Variants in PNKP observed in about 807,000 individuals in gnomAD.
The protein encoded by PNKP is polynucleotide kinase 3'-phosphatase, also known as bifunctional polynucleotide phosphatase/kinase.
PNKP carries 82 observed loss-of-function variants against 66.2 expected under a neutral mutation model. The ratio of observed to expected loss-of-function variants is 1.24; its 90% CI spans 1.04 to 1.49. The LOEUF is 1.49. Ranked by LOEUF, PNKP falls within the 40% of genes most tolerant of loss-of-function variation. PNKP has a pLI of 0.00. For synonymous variants in PNKP, 412 were observed against 298.9 expected, an observed-to-expected ratio of 1.38 and a Z score of -3.90; for missense variants, 907 against 706.8, an observed-to-expected ratio of 1.28 and a Z score of -3.21.
At chr19:49,864,560 C>T (rs748582083) in intron 4 of PNKP, among the ~76,000 whole-genome samples, 157 bp from the exon 5 acceptor site, 33 of 152,206 alleles carry the variant, frequency 2.2e-4, no homozygotes, top group Non-Finnish European at 4.7e-4. Flanking sequence ...CTCAAGCATC[C>T]GTGATGCCTC....
intron 3 of PNKP, chr19:49,865,942 G>T: frequency 3.6e-6 from 1 of 276,444 alleles, no homozygotes; most frequent in East Asian, 9.9e-5. Context: ...GTCTTGGACA[G>T]GTACCCACCC....
intron 1 of PNKP, 86 bp from the exon 2 acceptor site, chr19:49,867,303 T>C: frequency 4.4e-6 from 6 of 1,376,908 alleles, no homozygotes; most frequent in Non-Finnish European, 5.9e-6. Context: ...CACTAGAAAG[T>C]TTCCCCACCA....
chr19:49,866,938 C>G, intron 2 of PNKP, 116 bp downstream of exon 2: 1 of 990,916 alleles, frequency 1.0e-6, no homozygotes. Context: ...TAGAGAGCAC[C>G]TTCCGACTTC....
chr19:49,863,918 G>T, intron 7 of PNKP, 46 bp downstream of exon 7: 1 of 1,510,378 alleles, frequency 6.6e-7, no homozygotes, highest in Non-Finnish European at 9.2e-7. Flanking sequence ...CCTCGCTCTG[G>T]ATCTCTGTGC....
chr19:49,865,149 G>T lies in PNKP; in HGVS notation c.476C>A (p.Ala159Asp). 6.2e-7 allele frequency: 1 copy of T among 1,614,116 alleles called. No homozygotes were observed. Among genetic ancestry groups the T allele is most frequent in the Non-Finnish European group, 8.5e-7 (1 of 1,180,008 alleles). The change falls in exon 4 of 17, where the codon GCT (alanine) becomes GAT (aspartate). Residue 159 changes from alanine (A) to aspartate (D), a missense_variant. Physicochemically the swap from Ala to Asp is moderately radical, Grantham distance 126 (BLOSUM62 -2). Coordinates refer to ENST00000322344, the MANE Select transcript of PNKP (RefSeq NM_007254.4). ...NLEKLLVFTA[A>D]GVKPQGKVAG... ...CACCTTGCCCTGGGGTTTCACCCCAGCTGCGGTGAACACTAGCAACTTCTC... is the reference window on the plus strand; with the variant it reads ...CACCTTGCCCTGGGGTTTCACCCCATCTGCGGTGAACACTAGCAACTTCTC...
chr19:49,866,298 C>T (rs992201860), intron 3 of PNKP, 101 bp downstream of exon 3: 1 of 1,122,064 alleles, frequency 8.9e-7, no homozygotes, highest in Non-Finnish European at 1.4e-6. Flanking sequence ...CCACGCCCGG[C>T]CCCAATCAGA....
Position 49,864,410 on chromosome 19 carries a change from T to G in PNKP, c.499-7A>C, listed in dbSNP as rs909512959. ...CCAGATCAAAGCCAGCCACCTGGTGTCACCAAGGAAAGACAAACAGCAGCA... is the reference window on the plus strand; with the variant it reads ...CCAGATCAAAGCCAGCCACCTGGTGGCACCAAGGAAAGACAAACAGCAGCA... On this transcript the variant is annotated splice_polypyrimidine_tract_variant and splice_region_variant and intron_variant, in intron 4 of 16. Transcript: ENST00000322344. The G allele has an allele frequency of 5.6e-6, 9 of 1,610,864 alleles. No homozygotes were observed. In the Admixed American group the frequency reaches 1.0e-4, roughly 18 times the overall value.
intron 7 of PNKP, 59 bp from the exon 8 acceptor site, chr19:49,863,819 C>A: frequency 1.4e-6 from 2 of 1,479,796 alleles, no homozygotes; most frequent in Non-Finnish European, 1.8e-6. Flanking sequence ...CTGGATGCCA[C>A]CCCAGCCCAG....
chr19:49,862,424 C>T lies in PNKP; in HGVS notation c.976G>A (p.Glu326Lys), dbSNP rs267606956. ...GCTGCTGGCCACTTGAGAAAGAACT[C>T]CTCAGGCGTGGCGAAGGGCAGGCCA... ...NLGLPFATPE[E>K]FFLKWPAAGF... is the part of the protein sequence containing the mutation. The change falls in exon 11 of 17, where the codon GAG becomes AAG. Residue 326 changes from glutamate (E) to lysine (K), a missense_variant. Transcript: ENST00000322344. 1 of 1,577,052 alleles carries T rather than the reference C, an allele frequency of 6.3e-7. No homozygotes were observed. Among genetic ancestry groups the T allele is most frequent in the Non-Finnish European group, 8.6e-7 (1 of 1,161,202 alleles).
chr19:49,861,557 A>AG lies in PNKP; in HGVS notation c.1387-48dup, dbSNP rs770848795. On this transcript the variant is annotated intron_variant, in intron 15 of 16. Coordinates refer to ENST00000322344, the MANE Select transcript of PNKP (RefSeq NM_007254.4). ...CGGCAGGCCCAGGGGTCAGGGGAGG[A>AG]GGGGGGTCAGGGGGTGCAGCCCGGG... 229 of 93,088 alleles carry AG rather than the reference A, an allele frequency of 2.5e-3. 2 individuals are homozygous for AG. The Middle Eastern group carries it at 0.029, about 12-fold the overall frequency. 5.8% of individuals were successfully genotyped at this position (93,088 alleles called of 1,614,324 possible).
rs1359253510 is a variant in PNKP at position 49,862,241 on chromosome 19, G to A, written c.1070C>T (p.Ser357Phe). Residue 357 changes from serine (S) to phenylalanine (F), a missense_variant, in exon 12 of 17, where the codon TCC (serine) becomes TTC (phenylalanine). By Grantham distance (155) the Ser-to-Phe change is radical. Coordinates refer to ENST00000322344, the MANE Select transcript of PNKP (RefSeq NM_007254.4). ...SRSGPLCLPE[S>F]RALLSASPEV... is the part of the protein sequence containing the mutation. ...CGGGCTGGCGCTCAGGAGGGCCCTG[G>A]ACTCGGGGAGGCAGAGAGGCCCTGA... is the stretch of plus-strand genomic sequence containing the variant. The A allele has an allele frequency of 3.1e-6, 5 of 1,610,874 alleles. No homozygotes were observed. The highest frequency in any genetic ancestry group is 3.4e-5 in the Admixed American group (2 of 59,442).
intron 13 of PNKP, 34 bp downstream of exon 13, chr19:49,862,010 T>C: frequency 1.2e-6 from 2 of 1,612,110 alleles, no homozygotes; most frequent in Non-Finnish European, 1.7e-6. Flanking sequence ...GGGAACTTTA[T>C]AATAGATTTG....
chr19:49,861,723 GCCCCGC>G, intron 14 of PNKP, 28 bp from the exon 15 acceptor site: 1 of 1,548,380 alleles, frequency 6.5e-7, no homozygotes, highest in South Asian at 1.2e-5. Flanking sequence ...GGATGTGCAG[GCCCCGC>G]CCACCCCGCC....
At position 49,861,369 on chromosome 19, in the gene PNKP, G is replaced by A. The variant is rs997496747; in HGVS notation, c.1449-4C>T. ...CGTTGGGGCCTCGAACTGCTTCCTGGCAGTGGTGGGAACAGTGAGGGACAG... is the reference window on the plus strand; with the variant it reads ...CGTTGGGGCCTCGAACTGCTTCCTGACAGTGGTGGGAACAGTGAGGGACAG... On this transcript the variant is annotated splice_region_variant and splice_polypyrimidine_tract_variant and intron_variant, in intron 16 of 16. Transcript: ENST00000322344. The A allele has an allele frequency of 1.3e-5, 21 of 1,614,032 alleles. No individual in the cohort carries two copies. The highest frequency in any genetic ancestry group is 1.8e-5 in the Non-Finnish European group (21 of 1,179,880).
rs542312449 is a variant in PNKP, at chr19:49,863,188, CA to C, written c.817-451del. On this transcript the variant is annotated intron_variant, in intron 8 of 16. Transcript: ENST00000322344. ...GCCTTTGCACTTGCTGTCACTCCCA[CA>C]AGGGGGGGGACCGCTTTCCCCAGGT... Among the ~76,000 whole-genome samples the C allele has an allele frequency of 5.4e-4, 83 of 152,316 alleles. 1 individual carries two copies. Among genetic ancestry groups the C allele is most frequent in the African/African-American group, 1.8e-3 (76 of 41,566 alleles).
rs1347237648 is a variant in PNKP at position 49,864,055 on chromosome 19, T to A, written c.653A>T (p.Asn218Ile). The A allele has an allele frequency of 6.2e-7, 1 of 1,613,882 alleles. No homozygotes were observed. The highest frequency in any genetic ancestry group is 8.5e-7 in the Non-Finnish European group (1 of 1,179,876). The change falls in exon 7 of 17, where the codon AAC (asparagine) becomes ATC (isoleucine). Residue 218 changes from asparagine to isoleucine, a missense_variant. Physicochemically the swap from Asn to Ile is moderately radical, Grantham distance 149. Transcript: ENST00000322344. ...AEGYKLVIFT[N>I]QMSIGRGKLP... ...CTTCCCGCGCCCGATGCTCATCTGG[T>A]TGGTGAAGATCACCAGCTGGGGAGC...
intron 3 of PNKP, chr19:49,866,111 C>G (rs932129446): frequency 2.1e-6 from 1 of 469,392 alleles, no homozygotes; most frequent in Non-Finnish European, 3.9e-6. Flanking sequence ...CTACTGGGCT[C>G]AAGGGATCCT....
intron 7 of PNKP, 66 bp from the exon 8 acceptor site, chr19:49,863,826 C>G (rs949024513): frequency 6.8e-7 from 1 of 1,467,122 alleles, no homozygotes; most frequent in Admixed American, 2.0e-5. Flanking sequence ...CCACCCCAGC[C>G]CAGAATTTGT....
chr19:49,862,456 A>G lies in PNKP; in HGVS notation c.944T>C (p.Leu315Pro), dbSNP rs1412845275. 3 of 1,590,394 alleles carry G rather than the reference A, an allele frequency of 1.9e-6. No homozygotes were observed. The highest frequency in any genetic ancestry group is 1.7e-6 in the Non-Finnish European group (2 of 1,168,336). ...CGTGGCGAAGGGCAGGCCAAGGTTG[A>G]GGGCAAACTAGGGGTTGAGGACGAA... ...DFSCADRLFA[L>P]NLGLPFATPE... The change falls in exon 11 of 17, where the codon CTC (leucine) becomes CCC (proline). Residue 315 changes from leucine to proline, a missense_variant. Physicochemically the swap from Leu to Pro is moderately conservative, Grantham distance 98 (BLOSUM62 -3). Coordinates refer to ENST00000322344, the MANE Select transcript of PNKP (RefSeq NM_007254.4).
Sources: allele counts gnomAD v4.1 joint callset (sites outside exome capture counted in the v4.1 genomes callset), GRCh38; gene constraint gnomAD v4.1.1; transcripts MANE v1.5; gene names NCBI Gene and HGNC (gene_info 2026-07-23, HGNC 2026-07-21).